KLRG1: variants seen among roughly 807,000 people sequenced by gnomAD.
KLRG1 encodes killer cell lectin-like receptor subfamily G member 1.
KLRG1 carries 16 observed loss-of-function variants against 21.8 expected under a neutral mutation model. The observed-to-expected ratio is 0.73, with a 90% CI of 0.50 to 1.11. KLRG1 has a LOEUF of 1.11. Ranked by LOEUF, KLRG1 falls within the 50% of genes most tolerant of loss-of-function variation. KLRG1 has a pLI of 0.00. For missense variants in KLRG1, 173 were observed against 218.3 expected (o/e 0.79, Z 1.31); for synonymous variants, 69 against 75.9 (o/e 0.91, Z 0.47).
At chr12:9,141,173 C>T in the KLRG1 span, among the ~76,000 whole-genome samples, 11 of 152,166 alleles carry the variant, frequency 7.2e-5, no homozygotes, top group Non-Finnish European at 1.0e-4. Flanking sequence ...TTACTGATAA[C>T]GTACACTAAG....
At chr12:8,999,219 T>C (rs1947234626) in intron 3 of KLRG1, among the ~76,000 whole-genome samples, 1 of 152,196 alleles carries the variant, frequency 6.6e-6, no homozygotes, top group African/African-American at 2.4e-5. Context: ...TGATTTTTCT[T>C]GCCATTTTTC....
chr12:9,106,663 G>C, the KLRG1 span: 1 of 861,494 alleles, frequency 1.2e-6, no homozygotes, highest in African/African-American at 1.7e-5. Flanking sequence ...AAATAGATCA[G>C]TGGTCAGATA....
the KLRG1 span, chr12:9,192,350 G>T: frequency 1.5e-6 from 2 of 1,353,940 alleles, no homozygotes; most frequent in Non-Finnish European, 2.1e-6. Context: ...TGTCAAGTCT[G>T]TGCTGGAGAG....
At chr12:9,088,291 TTAGG>T in the KLRG1 span, among the ~76,000 whole-genome samples, 1 of 151,852 alleles carries the variant, frequency 6.6e-6, no homozygotes, top group South Asian at 2.1e-4. Context: ...TTTTGTAAAA[TTAGG>T]TAGGCACATT....
the KLRG1 span, among the ~76,000 whole-genome samples, chr12:9,175,294 C>T: frequency 6.6e-6 from 1 of 152,220 alleles, no homozygotes; most frequent in Admixed American, 6.5e-5. Flanking sequence ...TTCCTTTCAC[C>T]ATATACAAAA....
chr12:9,101,332 C>A, the KLRG1 span: 4 of 1,348,732 alleles, frequency 3.0e-6, no homozygotes, highest in Non-Finnish European at 4.1e-6. Context: ...ATCAAACTTT[C>A]AAAAGGAACA....
intron 3 of KLRG1, among the ~76,000 whole-genome samples, chr12:8,999,729 A>G (rs965998261): frequency 1.3e-5 from 2 of 152,166 alleles, no homozygotes; most frequent in East Asian, 1.9e-4. Context: ...TTCCTCATGT[A>G]CAAAGTGAAG....
chr12:9,034,526 A>C, the KLRG1 span, among the ~76,000 whole-genome samples: 43 of 149,208 alleles, frequency 2.9e-4, 1 homozygote, highest in South Asian at 9.0e-3. Flanking sequence ...GCTCGCTGCA[A>C]CCTCCGCCTC....
chr12:9,022,926 G>A, the KLRG1 span, among the ~76,000 whole-genome samples: 2 of 152,198 alleles, frequency 1.3e-5, no homozygotes, highest in South Asian at 2.1e-4. Flanking sequence ...CCTGTGTGGG[G>A]CCTGGAAAAT....
intron 3 of KLRG1, among the ~76,000 whole-genome samples, chr12:9,000,253 T>C (rs1172433964): frequency 3.9e-5 from 6 of 152,274 alleles, no homozygotes; most frequent in South Asian, 4.1e-4. Context: ...GGTAGGGGAA[T>C]TGCTTTACTC....
rs750318807 is a variant in KLRG1, at chr12:8,981,669, C to T, written c.-155-10537C>T. 5.4e-4 allele frequency among the ~76,000 whole-genome samples: 82 copies of T among 151,714 alleles called. 1 individual carries two copies. Among genetic ancestry groups the T allele is most frequent in the Middle Eastern group, 3.4e-3 (1 of 294 alleles). On this transcript the variant is annotated intron_variant, in intron 1 of 4. Transcript: ENST00000539240. ...TGGCTGAGTATGTAATATATCTTTGCGAACATTTTATTTACACCTAAAAAC... is the reference window on the plus strand; with the variant it reads ...TGGCTGAGTATGTAATATATCTTTGTGAACATTTTATTTACACCTAAAAAC...
At chr12:9,192,744 G>A in the KLRG1 span, 8 of 1,578,542 alleles carry the variant, frequency 5.1e-6, no homozygotes, top group Non-Finnish European at 7.0e-6. Context: ...GAAAACCTGA[G>A]TAAACAGAAA....
At chr12:9,032,636 C>T in the KLRG1 span, among the ~76,000 whole-genome samples, 5 of 152,170 alleles carry the variant, frequency 3.3e-5, no homozygotes, top group Admixed American at 6.5e-5. Context: ...CAAAGTGAAA[C>T]GATAACCAGC....
chr12:8,995,310 A>T (rs1947097123), intron 3 of KLRG1, 22 bp downstream of exon 3: 2 of 1,588,534 alleles, frequency 1.3e-6, no homozygotes, highest in Non-Finnish European at 1.7e-6. Flanking sequence ...CATTTAGAAA[A>T]TGTAGGGTTT....
the KLRG1 span, among the ~76,000 whole-genome samples, chr12:9,133,671 T>C: frequency 6.6e-6 from 1 of 152,162 alleles, no homozygotes; most frequent in Admixed American, 6.5e-5. Context: ...TACAGCATTA[T>C]AGGCAGAGGG....
chr12:8,981,347 T>C (rs1207972840), intron 1 of KLRG1, among the ~76,000 whole-genome samples: 1 of 152,124 alleles, frequency 6.6e-6, no homozygotes, highest in African/African-American at 2.4e-5. Flanking sequence ...TCATAAATTA[T>C]AAACTTGGAT....
chr12:9,138,073 A>AGTG, the KLRG1 span, among the ~76,000 whole-genome samples: 2 of 152,042 alleles, frequency 1.3e-5, no homozygotes, highest in Non-Finnish European at 2.9e-5. Context: ...AAGTGGCAAG[A>AGTG]GTGGGCATCA....
chr12:9,122,984 AT>A, the KLRG1 span, among the ~76,000 whole-genome samples: 1 of 152,120 alleles, frequency 6.6e-6, no homozygotes, highest in African/African-American at 2.4e-5. Context: ...TCATAATGTA[AT>A]TTTTTCCATG....
the KLRG1 span, chr12:9,068,616 A>T: frequency 1.2e-6 from 1 of 803,262 alleles, no homozygotes; most frequent in Non-Finnish European, 2.0e-6. Flanking sequence ...ATCAGACTTG[A>T]TGGAGACAAA....
Sources: gnomAD v4.1 joint callset for allele counts (sites outside exome capture counted in the v4.1 genomes callset) on GRCh38, gnomAD v4.1.1 for gene constraint, MANE v1.5 for transcripts, NCBI Gene and HGNC (gene_info 2026-07-23, HGNC 2026-07-21) for gene names.